The following SETD2 variants were observed in gnomAD, a reference collection of about 807,000 sequenced individuals.
SETD2 encodes the protein SET domain containing 2, histone lysine methyltransferase, also known as histone-lysine N-methyltransferase SETD2.
In SETD2, 31 loss-of-function variants were observed where a neutral mutation model predicts 242.1. That is an observed-to-expected ratio of 0.13 (90% CI 0.10 to 0.17). The LOEUF (loss-of-function observed/expected upper bound fraction) is 0.17, where lower values mean the gene tolerates loss of function less well. Among genes scored for constraint, SETD2 ranks in the 10% least tolerant of loss-of-function variants. The pLI is 1.00. For synonymous variants in SETD2, 1,006 were observed against 1,066.5 expected, an observed-to-expected ratio of 0.94 and a Z score of 1.11; for missense variants, 2,481 against 3,046.3, an observed-to-expected ratio of 0.81 and a Z score of 4.37.
chr3:47,057,650 C>T (rs1218813982), intron 14 of SETD2, among the ~76,000 whole-genome samples, 160 bp from the exon 15 acceptor site: 2 of 152,160 alleles, frequency 1.3e-5, no homozygotes, highest in Admixed American at 6.6e-5. Flanking sequence ...GCTTGTCTTG[C>T]ACACAGAACA....
intron 14 of SETD2, among the ~76,000 whole-genome samples, chr3:47,059,513 G>A (rs1023072727): frequency 2.0e-5 from 3 of 151,524 alleles, no homozygotes; most frequent in Non-Finnish European, 2.9e-5. Context: ...TCTGCCTCCC[G>A]GGTTCAAACA....
At chr3:47,088,053 CTTCA>C (rs1559706426) in intron 10 of SETD2, 56 bp downstream of exon 10, 11 of 1,491,236 alleles carry the variant, frequency 7.4e-6, no homozygotes, top group South Asian at 1.3e-5. Context: ...CTTCATTCAT[CTTCA>C]TTCATTCATT....
chr3:47,140,866 T>TA (rs1055963489), intron 1 of SETD2, among the ~76,000 whole-genome samples: 5 of 151,910 alleles, frequency 3.3e-5, no homozygotes, highest in Non-Finnish European at 7.4e-5. Flanking sequence ...CTGTCTCAAA[T>TA]AAAAAATTAA....
At chr3:47,139,541 G>A (rs149582771) in intron 1 of SETD2, among the ~76,000 whole-genome samples, 39 of 152,010 alleles carry the variant, frequency 2.6e-4, no homozygotes, top group African/African-American at 8.2e-4. Flanking sequence ...ATACATTCTC[G>A]TTACTTTTTG....
At chr3:47,155,938 A>G (rs1222886021) in intron 1 of SETD2, among the ~76,000 whole-genome samples, 1 of 152,166 alleles carries the variant, frequency 6.6e-6, no homozygotes, top group Admixed American at 6.6e-5. Flanking sequence ...AGGGTTTTAC[A>G]ATAATAGTTC....
At position 47,017,628 on chromosome 3, in the gene SETD2, AG is replaced by A; in HGVS notation, c.7533+9del. ...ATTGCCTGGTGGGCTACCAAAAGCA[AG>A]GGGAGTACCTTGCGAGCCAGATGTT... On this transcript the variant is annotated intron_variant, in intron 20 of 20. Transcript: ENST00000409792. The surrounding 1 kb of genome is among the most constrained non-coding windows in gnomAD (Gnocchi z 4.8). 6.3e-7 allele frequency: 1 copy of A among 1,597,924 alleles called. No homozygotes were observed. Among genetic ancestry groups the A allele is most frequent in the Non-Finnish European group, 8.6e-7 (1 of 1,165,078 alleles).
At chr3:47,161,122 G>T (rs1697477938) in intron 1 of SETD2, among the ~76,000 whole-genome samples, 1 of 152,100 alleles carries the variant, frequency 6.6e-6, no homozygotes, top group Admixed American at 6.5e-5. Context: ...TCTCCCCTGA[G>T]CCATGTTGCC....
intron 15 of SETD2, among the ~76,000 whole-genome samples, chr3:47,048,514 G>T (rs2039636665): frequency 6.6e-6 from 1 of 152,114 alleles, no homozygotes; most frequent in Admixed American, 6.5e-5. Context: ...GGACATTACT[G>T]TACACTACTG....
At chr3:47,061,768 GATTT>G (rs1360752905) in intron 14 of SETD2, among the ~76,000 whole-genome samples, 3 of 152,264 alleles carry the variant, frequency 2.0e-5, no homozygotes, top group South Asian at 2.1e-4. Flanking sequence ...CTTCTGACTA[GATTT>G]ATTAAAAATC....
At position 47,057,204 on chromosome 3, in the gene SETD2, T is replaced by C; in HGVS notation, c.6580A>G (p.Met2194Val). 6.2e-7 allele frequency: 1 copy of C among 1,614,208 alleles called. No homozygotes were observed. Among genetic ancestry groups the C allele is most frequent in the South Asian group, 1.1e-5 (1 of 91,082 alleles). The change falls in exon 15 of 21, where the codon ATG becomes GTG. Residue 2194 changes from methionine to valine, a missense_variant. Coordinates refer to ENST00000409792, the MANE Select transcript of SETD2 (RefSeq NM_014159.7). The stretch of plus-strand genomic sequence containing the variant: ...GGAGCAGGAGAACACACTGGGTCCA[T>C]GCTGGGTGTGGGCAGGAGCACCTTT... Reference protein sequence around the residue: ...AGKVLLPTPSMDPVCSPAPYD... With the variant: ...AGKVLLPTPSVDPVCSPAPYD...
intron 13 of SETD2, chr3:47,064,657 T>A (rs1343568577): frequency 1.2e-5 from 5 of 404,572 alleles, no homozygotes; most frequent in Non-Finnish European, 2.6e-5. Context: ...GAGGGTAAAG[T>A]TAGACTACGT....
At chr3:47,041,656 G>C (rs1436779875) in intron 17 of SETD2, among the ~76,000 whole-genome samples, 5 of 151,520 alleles carry the variant, frequency 3.3e-5, no homozygotes, top group South Asian at 2.1e-4. Flanking sequence ...CACACACAGA[G>C]ACACACACAC....
intron 18 of SETD2, among the ~76,000 whole-genome samples, chr3:47,037,235 T>A (rs2039048549): frequency 1.3e-5 from 2 of 150,304 alleles, no homozygotes; most frequent in South Asian, 4.3e-4. Flanking sequence ...ACCCATTAAC[T>A]CGTCATTTAG....
At chr3:47,036,080 T>C (rs1042218625) in intron 18 of SETD2, among the ~76,000 whole-genome samples, 1 of 152,168 alleles carries the variant, frequency 6.6e-6, no homozygotes, top group East Asian at 1.9e-4. Flanking sequence ...GTGAATAAAA[T>C]ATAAACAAGA....
chr3:47,162,183 G>C (rs1042052455), intron 1 of SETD2, among the ~76,000 whole-genome samples: 8 of 152,110 alleles, frequency 5.3e-5, no homozygotes, highest in African/African-American at 9.7e-5. Context: ...AAACAACCTG[G>C]TAAAAGGAAG....
intron 9 of SETD2, among the ~76,000 whole-genome samples, chr3:47,089,933 G>A (rs1405234419): frequency 6.6e-6 from 1 of 152,044 alleles, no homozygotes; most frequent in Non-Finnish European, 1.5e-5. Flanking sequence ...GCATGGTGAC[G>A]GACTGAGAAA....
chr3:47,104,794 G>A (rs1007850087), intron 6 of SETD2, among the ~76,000 whole-genome samples: 7 of 152,184 alleles, frequency 4.6e-5, no homozygotes, highest in Non-Finnish European at 7.3e-5. Flanking sequence ...AAGATGGGCT[G>A]GGTGTAGTGG....
rs561101639 is a variant in SETD2, at chr3:47,154,158, C to T, written c.71+9696G>A. Among the ~76,000 whole-genome samples the T allele has an allele frequency of 7.2e-5, 11 of 152,262 alleles. No homozygotes were observed. In the South Asian group the frequency reaches 2.3e-3, roughly 32 times the overall value. ...AGGCGCGATGGCTCACACCTGTTAT[C>T]CCAGCACTTTGGGAGGCCAAGGAGG... On this transcript the variant is annotated intron_variant, in intron 1 of 20. Transcript: ENST00000409792.
In SETD2 at chr3:47,122,022, G is replaced by C. The variant is rs2106667035; in HGVS notation, c.2614C>G (p.Gln872Glu). The C allele has an allele frequency of 6.2e-7, 1 of 1,613,782 alleles. No homozygotes were observed. Among genetic ancestry groups the C allele is most frequent in the Non-Finnish European group, 8.5e-7 (1 of 1,179,874 alleles). Reference protein sequence around the residue: ...ASVNHFDDLYQPIGSSGIASS... With the variant: ...ASVNHFDDLYEPIGSSGIASS... ...GCAATACCTGAACTCCCAATAGGTTGATATAAATCATCAAAATGATTAACA... is the reference window on the plus strand; with the variant it reads ...GCAATACCTGAACTCCCAATAGGTTCATATAAATCATCAAAATGATTAACA... Residue 872 changes from glutamine to glutamate, a missense_variant, in exon 3 of 21, where the codon CAA (glutamine) becomes GAA (glutamate). By Grantham distance (29) the Gln-to-Glu change is conservative. Coordinates refer to ENST00000409792, the MANE Select transcript of SETD2 (RefSeq NM_014159.7).
Sources: gnomAD v4.1 joint callset for allele counts (sites outside exome capture counted in the v4.1 genomes callset) on GRCh38, gnomAD v4.1.1 for gene constraint, Gnocchi (gnomAD v3.1) non-coding constraint, MANE v1.5 for transcripts, NCBI Gene and HGNC (gene_info 2026-07-23, HGNC 2026-07-21) for gene names.